RGS3: variants seen among roughly 807,000 people sequenced by gnomAD.
The protein encoded by RGS3 is regulator of G-protein signalling 3.
A neutral mutation model predicts 132.6 loss-of-function variants in RGS3; 80 were observed. The ratio of observed to expected loss-of-function variants is 0.60; its 90% CI spans 0.50 to 0.73. The LOEUF is 0.73. RGS3 is among the 30% of genes least tolerant of loss of function. The pLI is 0.00. For missense variants in RGS3, 1,382 were observed against 1,530.8 expected, an observed-to-expected ratio of 0.90 and a Z score of 1.62; for synonymous variants, 598 against 620.6, an observed-to-expected ratio of 0.96 and a Z score of 0.54.
At chr9:113,593,864 C>A in intron 21 of RGS3, 2 of 1,531,028 alleles carry the variant, frequency 1.3e-6, no homozygotes, top group South Asian at 1.2e-5. Context: ...TCCCTCCTTC[C>A]CTTTCAGCAA....
At chr9:113,572,918 A>G (rs886852228) in intron 19 of RGS3, among the ~76,000 whole-genome samples, 1 of 152,238 alleles carries the variant, frequency 6.6e-6, no homozygotes, top group African/African-American at 2.4e-5. Flanking sequence ...GGCTGCTGTA[A>G]GGGTCAGAAT....
chr9:113,494,214 T>G (rs980783720), intron 7 of RGS3, among the ~76,000 whole-genome samples: 2 of 151,958 alleles, frequency 1.3e-5, no homozygotes, highest in African/African-American at 4.8e-5. Context: ...GATACTGTCT[T>G]TTTTTTTCTC....
chr9:113,475,146 G>T (rs915502291), intron 3 of RGS3, among the ~76,000 whole-genome samples: 2 of 152,194 alleles, frequency 1.3e-5, no homozygotes, highest in Non-Finnish European at 2.9e-5. Context: ...ATGGGGCCCT[G>T]TCTATTCTCC....
intron 16 of RGS3, among the ~76,000 whole-genome samples, chr9:113,519,873 AAT>A (rs1831854912): frequency 6.6e-6 from 1 of 152,176 alleles, no homozygotes; most frequent in Non-Finnish European, 1.5e-5. Context: ...TTCCAGAAGT[AAT>A]AGACTTGATT....
chr9:113,525,503 C>A lies in RGS3; in HGVS notation c.1870+2462C>A, dbSNP rs148776652. Among the ~76,000 whole-genome samples the A allele has an allele frequency of 5.2e-3, 792 of 152,344 alleles. 6 individuals carry two copies. The highest frequency in any genetic ancestry group is 6.8e-3 in the Middle Eastern group (2 of 294). On this transcript the variant is annotated intron_variant, in intron 17 of 24. Coordinates refer to ENST00000350696, the Ensembl canonical transcript of RGS3. ...AAGGGCCTGAGGCTTTTAAGGGATGCATTTGGGACCTCAGCTGGAGCCTCT... is the reference window on the plus strand; with the variant it reads ...AAGGGCCTGAGGCTTTTAAGGGATGAATTTGGGACCTCAGCTGGAGCCTCT...
At chr9:113,452,724 A>G (rs952090882) in intron 1 of RGS3, among the ~76,000 whole-genome samples, 16 of 150,486 alleles carry the variant, frequency 1.1e-4, no homozygotes, top group Middle Eastern at 3.5e-3. Flanking sequence ...CCATTTATTC[A>G]TTTATTTTGG....
At chr9:113,593,948 G>C (rs1263689104) in intron 21 of RGS3, 1 of 1,612,414 alleles carries the variant, frequency 6.2e-7, no homozygotes, top group African/African-American at 1.3e-5. Flanking sequence ...GTCACAAATA[G>C]CTGGGACTGG....
At chr9:113,558,363 C>T (rs920404862) in intron 19 of RGS3, among the ~76,000 whole-genome samples, 16 of 152,166 alleles carry the variant, frequency 1.1e-4, no homozygotes, top group Non-Finnish European at 1.3e-4. Flanking sequence ...ATTAGCCGGA[C>T]GTGGTGGTGG....
rs41276827 is a variant in RGS3 at position 113,597,414 on chromosome 9, C to T, written c.*461C>T. On this transcript the variant is annotated 3_prime_UTR_variant, in exon 25 of 25. Transcript: ENST00000350696. ...AGTAGTTGGATGCTTGGCACGTCGT[C>T]CTGTAATAGGAAACCCTTGCCTCAT... The T allele has an allele frequency of 4.7e-3, 726 of 154,918 alleles. 4 individuals are homozygous for T. The highest frequency in any genetic ancestry group is 0.01 in the Middle Eastern group (3 of 298). The allele number at this position is 154,918 out of a possible 1,614,324, so 9.6% of individuals were successfully genotyped here.
intron 7 of RGS3, among the ~76,000 whole-genome samples, chr9:113,490,720 T>TATAATATATAA (rs1830482801): frequency 2.1e-5 from 3 of 142,566 alleles, no homozygotes; most frequent in African/African-American, 5.1e-5. Flanking sequence ...TTGGTATATA[T>TATAATATATAA]AATTATATAT....
At chr9:113,542,021 C>G (rs187979634) in intron 19 of RGS3, 2 of 188,576 alleles carry the variant, frequency 1.1e-5, no homozygotes, top group East Asian at 3.8e-4. Flanking sequence ...CCAACACACA[C>G]ACGTGCACAC....
At chr9:113,465,660 A>T (rs1218781976) in intron 3 of RGS3, among the ~76,000 whole-genome samples, 12 of 152,164 alleles carry the variant, frequency 7.9e-5, no homozygotes, top group African/African-American at 2.9e-4. Flanking sequence ...GTTCAGGCCC[A>T]GCAGGGAGTG....
At chr9:113,539,965 C>T (rs1044715010) in intron 19 of RGS3, among the ~76,000 whole-genome samples, 4 of 152,042 alleles carry the variant, frequency 2.6e-5, no homozygotes, top group Admixed American at 6.5e-5. Context: ...GCACTGGGCC[C>T]GTGGCTCTTT....
At chr9:113,448,794 T>C (rs899431898) in intron 1 of RGS3, among the ~76,000 whole-genome samples, 11 of 152,238 alleles carry the variant, frequency 7.2e-5, no homozygotes, top group African/African-American at 2.7e-4. Context: ...AGTGTACTTA[T>C]AATCCAGCAG....
chr9:113,539,143 C>T (rs1410338028), intron 19 of RGS3, among the ~76,000 whole-genome samples: 5 of 152,208 alleles, frequency 3.3e-5, no homozygotes, highest in African/African-American at 1.2e-4. Context: ...AGCTGGTCCA[C>T]AGCATTGTCC....
intron 4 of RGS3, among the ~76,000 whole-genome samples, chr9:113,482,061 CAAAA>C (rs966252374): frequency 1.4e-5 from 2 of 145,552 alleles, no homozygotes; most frequent in African/African-American, 2.5e-5. Context: ...AAAAAAAAAA[CAAAA>C]AAAACAAGAA....
chr9:113,469,226 G>A (rs7046202), intron 3 of RGS3, among the ~76,000 whole-genome samples: 17,965 of 151,892 alleles, frequency 0.12, 1,269 homozygotes, highest in African/African-American at 0.19. Flanking sequence ...GGCAGTGCAC[G>A]GTCAGGCCCT....
At chr9:113,517,015 TG>T (rs1206032173) in intron 15 of RGS3, among the ~76,000 whole-genome samples, 3 of 152,170 alleles carry the variant, frequency 2.0e-5, no homozygotes, top group Non-Finnish European at 4.4e-5. Context: ...GTGAGAGGTT[TG>T]GGTGATAATT....
chr9:113,487,784 T>A (rs2119241496), intron 7 of RGS3, among the ~76,000 whole-genome samples: 1 of 152,252 alleles, frequency 6.6e-6, no homozygotes, highest in Non-Finnish European at 1.5e-5. Flanking sequence ...TTCTGTAGAT[T>A]CTCTTTGGAG....
Sources: allele counts gnomAD v4.1 joint callset (sites outside exome capture counted in the v4.1 genomes callset), GRCh38; gene constraint gnomAD v4.1.1; transcripts MANE v1.5; gene names NCBI Gene and HGNC (gene_info 2026-07-23, HGNC 2026-07-21).